Variants in PRKCE observed in about 807,000 individuals in gnomAD.
PRKCE encodes the protein protein kinase C epsilon.
In PRKCE, 16 loss-of-function variants were observed where a neutral mutation model predicts 85.4. The ratio of observed to expected loss-of-function variants is 0.19; its 90% CI spans 0.13 to 0.28. PRKCE has a LOEUF of 0.28. Ranked by LOEUF, PRKCE falls within the 10% of genes least tolerant of loss-of-function variation. The probability of loss-of-function intolerance (pLI) is 1.00; values close to 1 mark genes in which losing one functional copy is unlikely to be tolerated. For missense variants in PRKCE, 573 were observed against 975.2 expected (o/e 0.59, Z 5.49); for synonymous variants, 388 against 371.5 (o/e 1.04, Z -0.51).
intron 6 of PRKCE, among the ~76,000 whole-genome samples, chr2:45,999,464 A>G (rs1704489312): frequency 6.6e-6 from 1 of 151,970 alleles, no homozygotes; most frequent in African/African-American, 2.4e-5. Flanking sequence ...CCTCCTTTAT[A>G]GGTAAAACTT....
chr2:45,683,258 C>T (rs1231580838), intron 1 of PRKCE, among the ~76,000 whole-genome samples: 1 of 152,172 alleles, frequency 6.6e-6, no homozygotes, highest in Admixed American at 6.5e-5. Flanking sequence ...TAATTCAGTG[C>T]CAGGGCAGGC....
At chr2:45,671,597 C>T (rs1208013626) in intron 1 of PRKCE, among the ~76,000 whole-genome samples, 2 of 152,182 alleles carry the variant, frequency 1.3e-5, no homozygotes, top group African/African-American at 2.4e-5. Context: ...CCCCCACCAG[C>T]CTTCTCTCAC....
intron 1 of PRKCE, among the ~76,000 whole-genome samples, chr2:45,672,126 T>C (rs1463454526): frequency 1.3e-5 from 2 of 149,302 alleles, no homozygotes; most frequent in Non-Finnish European, 3.0e-5. Context: ...AAAGTATGAG[T>C]AAACAGGTTT....
intron 2 of PRKCE, among the ~76,000 whole-genome samples, chr2:45,936,117 G>A (rs1018926247): frequency 6.6e-6 from 1 of 152,158 alleles, no homozygotes; most frequent in Non-Finnish European, 1.5e-5. Flanking sequence ...AGGAGGGCAG[G>A]CACTGAGGGC....
chr2:45,676,515 A>T (rs151102562), intron 1 of PRKCE, among the ~76,000 whole-genome samples: 1 of 152,392 alleles, frequency 6.6e-6, no homozygotes, highest in African/African-American at 2.4e-5. Context: ...ATAAGACTAG[A>T]GTATGGATAG....
At chr2:46,016,363 C>A (rs1309494349) in intron 10 of PRKCE, among the ~76,000 whole-genome samples, 1 of 151,168 alleles carries the variant, frequency 6.6e-6, no homozygotes, top group South Asian at 2.1e-4. Context: ...GGTTCTCTGG[C>A]CGGTCAGAGA....
At chr2:45,727,676 A>G (rs1211299967) in intron 1 of PRKCE, among the ~76,000 whole-genome samples, 1 of 152,092 alleles carries the variant, frequency 6.6e-6, no homozygotes, top group Non-Finnish European at 1.5e-5. Flanking sequence ...TATTTTTAAG[A>G]CGGAGTCTCG....
intron 2 of PRKCE, among the ~76,000 whole-genome samples, chr2:45,858,655 T>C (rs1270256304): frequency 3.9e-5 from 6 of 152,210 alleles, no homozygotes; most frequent in Non-Finnish European, 7.3e-5. Flanking sequence ...AATTTTGTAT[T>C]ATTTTCTTGC....
intron 10 of PRKCE, among the ~76,000 whole-genome samples, chr2:46,013,283 C>G (rs1705841632): frequency 6.6e-6 from 1 of 152,158 alleles, no homozygotes; most frequent in Non-Finnish European, 1.5e-5. Context: ...GAGGTAGATG[C>G]TGGGGTTATT....
chr2:45,754,270 T>C (rs1683825363), intron 1 of PRKCE, among the ~76,000 whole-genome samples: 1 of 152,212 alleles, frequency 6.6e-6, no homozygotes, highest in Non-Finnish European at 1.5e-5. Flanking sequence ...TTTTCTTTCA[T>C]CTGAAGAGGC....
At chr2:45,693,120 G>A (rs889424462) in intron 1 of PRKCE, among the ~76,000 whole-genome samples, 6 of 152,132 alleles carry the variant, frequency 3.9e-5, no homozygotes, top group African/African-American at 1.4e-4. Flanking sequence ...CGGGGTAGGG[G>A]AGTGAAGTAG....
chr2:45,761,103 G>A (rs974225071), intron 1 of PRKCE, among the ~76,000 whole-genome samples: 14 of 152,100 alleles, frequency 9.2e-5, no homozygotes, highest in South Asian at 4.2e-4. Flanking sequence ...CAAGGTGGGC[G>A]GATCACGAGG....
intron 1 of PRKCE, among the ~76,000 whole-genome samples, chr2:45,721,949 AC>A (rs1332843077): frequency 6.6e-6 from 1 of 151,758 alleles, no homozygotes; most frequent in African/African-American, 2.4e-5. Context: ...TGCTTTTCAA[AC>A]TTTTGGGTCT....
chr2:45,959,319 C>T (rs1701224272), intron 2 of PRKCE, among the ~76,000 whole-genome samples: 1 of 152,070 alleles, frequency 6.6e-6, no homozygotes, highest in Non-Finnish European at 1.5e-5. Context: ...TTTTCTCAGG[C>T]AGGTGGTTTG....
chr2:46,009,225 A>G (rs1442552087), intron 9 of PRKCE, among the ~76,000 whole-genome samples: 2 of 152,244 alleles, frequency 1.3e-5, no homozygotes, highest in Non-Finnish European at 2.9e-5. Context: ...AGATTCAACT[A>G]CATAAAGATA....
chr2:45,702,186 CA>C (rs1678702653), intron 1 of PRKCE, among the ~76,000 whole-genome samples: 1 of 151,762 alleles, frequency 6.6e-6, no homozygotes, highest in African/African-American at 2.4e-5. Flanking sequence ...GAGACTGTCT[CA>C]AAAAACAACG....
At chr2:46,061,104 CTT>C (rs565280374) in intron 10 of PRKCE, among the ~76,000 whole-genome samples, 103 of 103,462 alleles carry the variant, frequency 1.0e-3, no homozygotes, top group African/African-American at 1.6e-3. Context: ...CTTTTTTTTC[CTT>C]TTTTTTTTTT....
At chr2:46,009,808 G>A (rs1312469113) in intron 9 of PRKCE, among the ~76,000 whole-genome samples, 5 of 152,184 alleles carry the variant, frequency 3.3e-5, no homozygotes, top group African/African-American at 4.8e-5. Flanking sequence ...ATAAGCAACC[G>A]TGATAATAAT....
At chr2:45,812,746 G>T (rs1462064939) in intron 1 of PRKCE, among the ~76,000 whole-genome samples, 1 of 152,194 alleles carries the variant, frequency 6.6e-6, no homozygotes, top group Non-Finnish European at 1.5e-5. Flanking sequence ...AAAGCACCCG[G>T]CAGGGACTGG....
Sources: gnomAD v4.1 joint callset for allele counts (sites outside exome capture counted in the v4.1 genomes callset) on GRCh38, gnomAD v4.1.1 for gene constraint, MANE v1.5 for transcripts, NCBI Gene and HGNC (gene_info 2026-07-23, HGNC 2026-07-21) for gene names.